The following CNIH3 variants were observed in gnomAD, a reference collection of about 807,000 sequenced individuals.
The protein encoded by CNIH3 is protein cornichon homolog 3.
A neutral mutation model predicts 24.1 loss-of-function variants in CNIH3; 14 were observed. That is an observed-to-expected ratio of 0.58 (90% confidence interval 0.38 to 0.91). CNIH3 has a LOEUF of 0.91. Ranked by LOEUF, CNIH3 falls within the 40% of genes least tolerant of loss-of-function variation. The probability of loss-of-function intolerance (pLI) is 0.00; values close to 1 mark genes in which losing one functional copy is unlikely to be tolerated. For missense variants in CNIH3, 178 were observed against 196.8 expected (o/e 0.90, Z 0.57); for synonymous variants, 68 against 73.8 (o/e 0.92, Z 0.40).
At chr1:224,505,815 C>T (rs897856187) in intron 1 of CNIH3, among the ~76,000 whole-genome samples, 10 of 152,258 alleles carry the variant, frequency 6.6e-5, no homozygotes, top group African/African-American at 1.7e-4. Context: ...GAACCATTGG[C>T]GTTCAATAAA....
chr1:224,516,543 T>A (rs1274604036), intron 1 of CNIH3, among the ~76,000 whole-genome samples: 2 of 152,152 alleles, frequency 1.3e-5, no homozygotes, highest in Admixed American at 1.3e-4. Context: ...ATTTCCTAGA[T>A]CTCAAAGCAA....
At chr1:224,680,529 C>T (rs564235395) in intron 1 of CNIH3, among the ~76,000 whole-genome samples, 1 of 152,334 alleles carries the variant, frequency 6.6e-6, no homozygotes, top group South Asian at 2.1e-4. Flanking sequence ...TCTTTTCCTT[C>T]TCACCTGACT....
At chr1:224,680,729 TAAAA>T (rs1395530613) in intron 1 of CNIH3, among the ~76,000 whole-genome samples, 1 of 152,172 alleles carries the variant, frequency 6.6e-6, no homozygotes, top group South Asian at 2.1e-4. Flanking sequence ...CACAGATACT[TAAAA>T]AAACTTACTG....
chr1:224,527,270 T>G (rs1220209741), intron 2 of CNIH3, among the ~76,000 whole-genome samples: 1 of 152,166 alleles, frequency 6.6e-6, no homozygotes, highest in Non-Finnish European at 1.5e-5. Flanking sequence ...CTGCTGTCAA[T>G]CCTGTGCCCT....
chr1:224,470,439 C>T (rs1463685917), intron 1 of CNIH3, among the ~76,000 whole-genome samples: 3 of 151,824 alleles, frequency 2.0e-5, no homozygotes, highest in East Asian at 3.9e-4. Context: ...CTCATCCTCT[C>T]AAGTACCTAG....
At chr1:224,617,370 G>GC in intron 1 of CNIH3, 115 bp downstream of exon 1, 1 of 1,137,388 alleles carries the variant, frequency 8.8e-7, no homozygotes, top group East Asian at 2.4e-5. Flanking sequence ...TGGACCTTCT[G>GC]CCGCTCCACT....
intron 3 of CNIH3, among the ~76,000 whole-genome samples, chr1:224,556,361 A>C (rs917317143): frequency 6.6e-6 from 1 of 152,210 alleles, no homozygotes; most frequent in Admixed American, 6.5e-5. Context: ...ATTTCTGGTT[A>C]GTAAAATGAT....
chr1:224,712,988 T>C (rs1374384833), intron 3 of CNIH3, among the ~76,000 whole-genome samples: 1 of 152,218 alleles, frequency 6.6e-6, no homozygotes, highest in Non-Finnish European at 1.5e-5. Flanking sequence ...CATTTTTCAG[T>C]AGTGCCCTGA....
chr1:224,637,317 C>A (rs1156886516), intron 1 of CNIH3, among the ~76,000 whole-genome samples: 1 of 152,100 alleles, frequency 6.6e-6, no homozygotes, highest in Non-Finnish European at 1.5e-5. Context: ...ACACATGCAG[C>A]CCTAATTCAG....
intron 1 of CNIH3, among the ~76,000 whole-genome samples, chr1:224,658,813 C>T (rs1018280969): frequency 6.6e-6 from 1 of 151,508 alleles, no homozygotes. Context: ...AAGAGAAAAT[C>T]GAATTTACCT....
intron 1 of CNIH3, among the ~76,000 whole-genome samples, chr1:224,647,563 C>T (rs1414105383): frequency 1.3e-5 from 2 of 152,186 alleles, no homozygotes; most frequent in Non-Finnish European, 2.9e-5. Context: ...GAAATTATTA[C>T]CTGAGACCAG....
intron 4 of CNIH3, among the ~76,000 whole-genome samples, chr1:224,732,228 C>G (rs766074896): frequency 6.6e-6 from 1 of 152,088 alleles, no homozygotes; most frequent in Non-Finnish European, 1.5e-5. Flanking sequence ...TGGAGGTGAA[C>G]TGGATAAGCC....
At chr1:224,594,799 G>C (rs774246033) in intron 3 of CNIH3, among the ~76,000 whole-genome samples, 7 of 152,226 alleles carry the variant, frequency 4.6e-5, no homozygotes, top group Non-Finnish European at 1.0e-4. Context: ...TCCCATAGAA[G>C]AGATGTGACT....
At chr1:224,581,753 G>A (rs752001414) in intron 4 of CNIH3, among the ~76,000 whole-genome samples, 2 of 152,012 alleles carry the variant, frequency 1.3e-5, no homozygotes, top group South Asian at 2.1e-4. Context: ...TTCTTTTCTC[G>A]GAAGATGATT....
intron 1 of CNIH3, among the ~76,000 whole-genome samples, chr1:224,497,898 T>C (rs576900718): frequency 1.3e-5 from 2 of 152,300 alleles, no homozygotes; most frequent in East Asian, 3.9e-4. Context: ...CAGCATCTCT[T>C]CCATCTGCAT....
At chr1:224,571,107 T>C (rs764310475) in intron 4 of CNIH3, among the ~76,000 whole-genome samples, 1 of 152,372 alleles carries the variant, frequency 6.6e-6, no homozygotes, top group Non-Finnish European at 1.5e-5. Context: ...TGATACTTGA[T>C]AGGGCAAGGC....
chr1:224,666,859 C>T (rs1685620286), intron 1 of CNIH3, among the ~76,000 whole-genome samples: 1 of 152,200 alleles, frequency 6.6e-6, no homozygotes, highest in South Asian at 2.1e-4. Flanking sequence ...TGGGCTACCC[C>T]AAATGTTTGC....
At chr1:224,440,606 A>T (rs2102943982) in intron 1 of CNIH3, among the ~76,000 whole-genome samples, 1 of 152,352 alleles carries the variant, frequency 6.6e-6, no homozygotes, top group South Asian at 2.1e-4. Context: ...TTAAGTGAAT[A>T]ATGCATGTTA....
chr1:224,471,786 T>C (rs1676382951), intron 1 of CNIH3, among the ~76,000 whole-genome samples: 1 of 152,000 alleles, frequency 6.6e-6, no homozygotes, highest in South Asian at 2.1e-4. Flanking sequence ...GAGACGGGCT[T>C]TCACCATCTT....
Sources: gnomAD v4.1 joint callset for allele counts (sites outside exome capture counted in the v4.1 genomes callset) on GRCh38, gnomAD v4.1.1 for gene constraint, MANE v1.5 for transcripts, NCBI Gene and HGNC (gene_info 2026-07-23, HGNC 2026-07-21) for gene names.